TMEM132C: variants seen among roughly 807,000 people sequenced by gnomAD.
TMEM132C encodes the protein protein phosphatase 1, regulatory subunit 152.
In TMEM132C, 29 loss-of-function variants were observed where a neutral mutation model predicts 61.4. That is an observed-to-expected ratio of 0.47 (90% CI 0.35 to 0.64). TMEM132C has a LOEUF of 0.64. Ranked by LOEUF, TMEM132C falls within the 30% of genes least tolerant of loss-of-function variation. The probability of loss-of-function intolerance (pLI) is 0.00; values close to 1 mark genes in which losing one functional copy is unlikely to be tolerated. For synonymous variants in TMEM132C, 656 were observed against 633.1 expected, an observed-to-expected ratio of 1.04 and a Z score of -0.54; for missense variants, 1,408 against 1,476.9, an observed-to-expected ratio of 0.95 and a Z score of 0.76.
intron 3 of TMEM132C, among the ~76,000 whole-genome samples, chr12:128,597,420 G>A (rs1015446264): frequency 6.6e-6 from 1 of 152,044 alleles, no homozygotes; most frequent in Non-Finnish European, 1.5e-5. Context: ...GGAGGTTGCA[G>A]TGAGCTGAGA....
At chr12:128,585,657 G>A (rs1875517378) in intron 3 of TMEM132C, among the ~76,000 whole-genome samples, 2 of 152,236 alleles carry the variant, frequency 1.3e-5, no homozygotes, top group Admixed American at 1.3e-4. Context: ...CATTCTCTAA[G>A]AAATACCGCA....
intron 1 of TMEM132C, among the ~76,000 whole-genome samples, chr12:128,371,323 A>G (rs975537372): frequency 6.6e-6 from 1 of 152,184 alleles, no homozygotes; most frequent in African/African-American, 2.4e-5. Flanking sequence ...ACTGACTTCC[A>G]TCTTGGCTCC....
chr12:128,457,133 CAT>C (rs1870372832), intron 2 of TMEM132C, among the ~76,000 whole-genome samples: 1 of 152,078 alleles, frequency 6.6e-6, no homozygotes, highest in Non-Finnish European at 1.5e-5. Context: ...TACATGTTTT[CAT>C]ATATTGTGGA....
intron 1 of TMEM132C, among the ~76,000 whole-genome samples, chr12:128,354,308 G>C (rs1490730254): frequency 6.6e-6 from 1 of 151,778 alleles, no homozygotes; most frequent in East Asian, 1.9e-4. Context: ...CATTAGATAG[G>C]GTGAAGTCTC....
At chr12:128,497,711 T>C (rs1457388302) in intron 2 of TMEM132C, among the ~76,000 whole-genome samples, 1 of 152,164 alleles carries the variant, frequency 6.6e-6, no homozygotes, top group African/African-American at 2.4e-5. Context: ...GTGACCCGAT[T>C]TTCCAGGTGC....
At chr12:128,476,188 G>A (rs755338569) in intron 2 of TMEM132C, among the ~76,000 whole-genome samples, 4 of 152,164 alleles carry the variant, frequency 2.6e-5, no homozygotes, top group African/African-American at 4.8e-5. Context: ...AAAAAAGGCT[G>A]TCCATTGGAT....
At chr12:128,543,339 T>C (rs1286292407) in intron 2 of TMEM132C, among the ~76,000 whole-genome samples, 1 of 152,200 alleles carries the variant, frequency 6.6e-6, no homozygotes, top group African/African-American at 2.4e-5. Flanking sequence ...ATGATCCTGC[T>C]CTTTCTTACA....
At position 128,705,804 on chromosome 12, in the gene TMEM132C, G is replaced by A. The variant is rs780614939; in HGVS notation, c.2836G>A (p.Ala946Thr). ...LAILVFLINCATFALKYRHKQ... is the reference protein window; with the variant it reads ...LAILVFLINCTTFALKYRHKQ... ...CATCCTCGTCTTCCTGATCAACTGC[G>A]CCACCTTTGCCCTGAAGTACAGGCA... The change falls in exon 9 of 9, where the codon GCC (alanine) becomes ACC (threonine). Residue 946 changes from alanine (A) to threonine (T), a missense_variant. Ala to Thr is a moderately conservative substitution (Grantham distance 58). Coordinates refer to ENST00000435159, the MANE Select transcript of TMEM132C (RefSeq NM_001136103.3). The A allele has an allele frequency of 7.7e-6, 12 of 1,551,598 alleles. No homozygotes were observed. Among genetic ancestry groups the A allele is most frequent in the African/African-American group, 4.1e-5 (3 of 73,140 alleles).
chr12:128,669,645 AC>A, intron 5 of TMEM132C, 85 bp downstream of exon 5: 1 of 1,482,482 alleles, frequency 6.7e-7, no homozygotes, highest in South Asian at 1.3e-5. Context: ...AGACTGAAAT[AC>A]ATGACGTTCA....
chr12:128,635,671 C>T (rs1378806492), intron 4 of TMEM132C, among the ~76,000 whole-genome samples: 1 of 152,146 alleles, frequency 6.6e-6, no homozygotes, highest in Non-Finnish European at 1.5e-5. Context: ...AAGCAACCCA[C>T]AGTGAAGTTG....
intron 1 of TMEM132C, among the ~76,000 whole-genome samples, chr12:128,329,071 G>A (rs953420095): frequency 2.0e-5 from 3 of 152,144 alleles, no homozygotes; most frequent in South Asian, 4.1e-4. Context: ...TCAGGGGAAG[G>A]AGCAGGCCTG....
At chr12:128,577,969 A>G (rs1176470900) in intron 3 of TMEM132C, among the ~76,000 whole-genome samples, 1 of 152,256 alleles carries the variant, frequency 6.6e-6, no homozygotes, top group African/African-American at 2.4e-5. Flanking sequence ...TCATTAGTAC[A>G]TACTATTATT....
At chr12:128,271,815 T>C (rs1010453852) in intron 1 of TMEM132C, among the ~76,000 whole-genome samples, 4 of 152,230 alleles carry the variant, frequency 2.6e-5, no homozygotes, top group South Asian at 4.1e-4. Flanking sequence ...CTCTCAATTA[T>C]ATTAGTAGTT....
intron 1 of TMEM132C, among the ~76,000 whole-genome samples, chr12:128,282,299 A>G (rs1229683060): frequency 1.3e-5 from 2 of 152,244 alleles, no homozygotes; most frequent in African/African-American, 4.8e-5. Flanking sequence ...CATTGCTATA[A>G]AGAATTCCCC....
chr12:128,503,153 T>C (rs906661985), intron 2 of TMEM132C, among the ~76,000 whole-genome samples: 1 of 142,770 alleles, frequency 7.0e-6, no homozygotes, highest in Non-Finnish European at 1.6e-5. Flanking sequence ...ATAATTTCTT[T>C]TAAAGGAAGT....
intron 3 of TMEM132C, among the ~76,000 whole-genome samples, chr12:128,583,749 C>T (rs79607794): frequency 0.014 from 2,152 of 152,348 alleles, 23 homozygotes; most frequent in South Asian, 0.03. Flanking sequence ...AGCCGCCCCC[C>T]GCCCCACCCC....
chr12:128,686,078 C>CAT (rs376733187), intron 5 of TMEM132C, among the ~76,000 whole-genome samples: 1 of 62,240 alleles, frequency 1.6e-5, no homozygotes, highest in African/African-American at 3.9e-5. Context: ...TGCGTGTGTG[C>CAT]GCATGTGTGT....
chr12:128,607,579 G>A (rs771795417), intron 3 of TMEM132C, among the ~76,000 whole-genome samples: 4 of 152,194 alleles, frequency 2.6e-5, no homozygotes, highest in Non-Finnish European at 5.9e-5. Flanking sequence ...GTGGTGGGAA[G>A]TGCTCAGGTT....
chr12:128,666,025 G>GCACA (rs61212712), intron 4 of TMEM132C, among the ~76,000 whole-genome samples: 27,385 of 87,280 alleles, frequency 0.31, 3,618 homozygotes, highest in South Asian at 0.4. Context: ...ATTCACAGGC[G>GCACA]CACATTCACA....
Sources: allele counts gnomAD v4.1 joint callset (sites outside exome capture counted in the v4.1 genomes callset), GRCh38; gene constraint gnomAD v4.1.1; transcripts MANE v1.5; gene names NCBI Gene and HGNC (gene_info 2026-07-23, HGNC 2026-07-21).